The following NKAIN2 variants were observed in gnomAD, a reference collection of about 807,000 sequenced individuals.
NKAIN2 encodes sodium/potassium transporting ATPase interacting 2, also known as sodium/potassium-transporting ATPase subunit beta-1-interacting protein 2.
In NKAIN2, 14 loss-of-function variants were observed where a neutral mutation model predicts 32.6. That is an observed-to-expected ratio of 0.43 (90% CI 0.28 to 0.67). The LOEUF is 0.67. NKAIN2 is among the 30% of genes least tolerant of loss of function. The pLI, the probability that NKAIN2 is intolerant of heterozygous loss-of-function variation, is 0.17. For synonymous variants in NKAIN2, 80 were observed against 87.2 expected, an observed-to-expected ratio of 0.92 and a Z score of 0.46; for missense variants, 198 against 258.3, an observed-to-expected ratio of 0.77 and a Z score of 1.60.
chr6:124,018,279 T>C (rs556792290), intron 1 of NKAIN2, among the ~76,000 whole-genome samples: 15 of 152,212 alleles, frequency 9.9e-5, no homozygotes, highest in African/African-American at 3.6e-4. Flanking sequence ...CAAGAAACCA[T>C]TATTTCCTTC....
intron 4 of NKAIN2, among the ~76,000 whole-genome samples, chr6:124,731,031 G>A (rs1373657826): frequency 9.6e-5 from 14 of 145,764 alleles, no homozygotes; most frequent in Non-Finnish European, 4.5e-5. Context: ...ACACCAGGTA[G>A]AATGGCAATC....
intron 4 of NKAIN2, among the ~76,000 whole-genome samples, chr6:124,715,266 G>A (rs570927118): frequency 6.6e-6 from 1 of 152,338 alleles, no homozygotes; most frequent in Admixed American, 6.5e-5. Flanking sequence ...CAAAGCTTGA[G>A]AGATCTTGTG....
intron 4 of NKAIN2, among the ~76,000 whole-genome samples, chr6:124,768,328 AG>A (rs1229119476): frequency 6.6e-6 from 1 of 152,196 alleles, no homozygotes; most frequent in African/African-American, 2.4e-5. Flanking sequence ...AGCATGTACA[AG>A]CTCCCCACTT....
chr6:124,069,578 G>C (rs1391491557), intron 1 of NKAIN2, among the ~76,000 whole-genome samples: 1 of 152,180 alleles, frequency 6.6e-6, no homozygotes, highest in Admixed American at 6.6e-5. Flanking sequence ...CTGGAGCACA[G>C]AAGCAGCTCC....
At chr6:123,909,653 T>C (rs1002284143) in intron 1 of NKAIN2, among the ~76,000 whole-genome samples, 5 of 152,224 alleles carry the variant, frequency 3.3e-5, no homozygotes, top group African/African-American at 1.2e-4. Flanking sequence ...ACATCAATAG[T>C]CACTTCAAAC....
intron 1 of NKAIN2, among the ~76,000 whole-genome samples, chr6:124,012,273 T>C (rs1780369971): frequency 6.6e-6 from 1 of 151,902 alleles, no homozygotes; most frequent in Non-Finnish European, 1.5e-5. Context: ...TGATTCCCAT[T>C]CTAGGATTTT....
chr6:124,563,646 AT>A (rs2114899665), intron 3 of NKAIN2, among the ~76,000 whole-genome samples: 1 of 152,230 alleles, frequency 6.6e-6, no homozygotes, highest in East Asian at 1.9e-4. Flanking sequence ...GCAGGTTTTA[AT>A]TAGTAGGAGT....
At position 124,389,316 on chromosome 6, in the gene NKAIN2, A is replaced by G. The variant is rs1773043046; in HGVS notation, c.273+33969A>G. ...CCACAGGGCTTCCTTTCTTCCTATT[A>G]AATAGCTCCTCCTATCTGCAATTTA... On this transcript the variant is annotated intron_variant, in intron 3 of 6. Transcript: ENST00000368417. Among the ~76,000 whole-genome samples the G allele has an allele frequency of 3.9e-5, 6 of 152,002 alleles. No individual in the cohort carries two copies. In the South Asian group the frequency reaches 1.2e-3, roughly 32 times the overall value.
At chr6:124,236,185 G>A (rs1792749624) in intron 1 of NKAIN2, among the ~76,000 whole-genome samples, 1 of 152,060 alleles carries the variant, frequency 6.6e-6, no homozygotes, top group South Asian at 2.1e-4. Context: ...ATTAAATAAT[G>A]TAAACAAGGC....
chr6:124,512,108 G>C (rs1778736551), intron 3 of NKAIN2, among the ~76,000 whole-genome samples: 1 of 152,044 alleles, frequency 6.6e-6, no homozygotes, highest in Non-Finnish European at 1.5e-5. Flanking sequence ...TGATCATTTG[G>C]CTAACACAGT....
chr6:124,638,720 C>T (rs1328610554), intron 3 of NKAIN2, among the ~76,000 whole-genome samples: 1 of 151,186 alleles, frequency 6.6e-6, no homozygotes, highest in African/African-American at 2.4e-5. Context: ...GTGGTGAAAC[C>T]CCATCTCTAA....
chr6:124,356,591 G>A lies in NKAIN2; in HGVS notation c.273+1244G>A, dbSNP rs151257950. Among the ~76,000 whole-genome samples the A allele has an allele frequency of 6.5e-4, 99 of 152,204 alleles. 1 individual carries two copies. The East Asian group carries it at 0.015, about 22-fold the overall frequency. Reference sequence around the variant, plus strand: ...ATTTGTGTGTTTTTTGCAGGGCATCGTTCCCCACACTCTGGTTAGCAGGCA... The same window carrying A: ...ATTTGTGTGTTTTTTGCAGGGCATCATTCCCCACACTCTGGTTAGCAGGCA... On this transcript the variant is annotated intron_variant, in intron 3 of 6. Coordinates refer to ENST00000368417, the MANE Select transcript of NKAIN2 (RefSeq NM_001040214.3).
intron 3 of NKAIN2, among the ~76,000 whole-genome samples, chr6:124,540,914 G>A (rs910561535): frequency 6.6e-6 from 1 of 152,154 alleles, no homozygotes; most frequent in Non-Finnish European, 1.5e-5. Flanking sequence ...GTGTTTGGTA[G>A]GTTAGGTGTA....
At chr6:124,560,431 C>G (rs1780646927) in intron 3 of NKAIN2, among the ~76,000 whole-genome samples, 1 of 152,182 alleles carries the variant, frequency 6.6e-6, no homozygotes, top group African/African-American at 2.4e-5. Flanking sequence ...TACACAGCCT[C>G]AGGTATGTCT....
intron 2 of NKAIN2, among the ~76,000 whole-genome samples, chr6:124,286,072 TAAG>T (rs1795524746): frequency 1.3e-5 from 2 of 152,218 alleles, no homozygotes; most frequent in Middle Eastern, 3.4e-3. Context: ...GATACAAAAA[TAAG>T]AAAGCATTTC....
intron 3 of NKAIN2, among the ~76,000 whole-genome samples, chr6:124,512,197 T>C (rs925830408): frequency 6.6e-6 from 1 of 152,158 alleles, no homozygotes; most frequent in African/African-American, 2.4e-5. Flanking sequence ...ATTTGAAACA[T>C]CCACAAATCA....
At chr6:124,034,696 A>G (rs1006943459) in intron 1 of NKAIN2, among the ~76,000 whole-genome samples, 3 of 152,070 alleles carry the variant, frequency 2.0e-5, no homozygotes, top group African/African-American at 7.2e-5. Flanking sequence ...AAGTATCCAT[A>G]GTGGTTTCCA....
chr6:124,153,739 T>C (rs1432266670), intron 1 of NKAIN2, among the ~76,000 whole-genome samples: 2 of 151,750 alleles, frequency 1.3e-5, no homozygotes, highest in African/African-American at 4.8e-5. Context: ...ATTCATTTAA[T>C]TATAATTGTT....
At chr6:124,437,853 A>T (rs1775514868) in intron 3 of NKAIN2, 1 of 407,682 alleles carries the variant, frequency 2.5e-6, no homozygotes, top group Non-Finnish European at 4.7e-6. Flanking sequence ...AATTGTAGGG[A>T]ATACGTACTG....
Sources: allele counts gnomAD v4.1 joint callset (sites outside exome capture counted in the v4.1 genomes callset), GRCh38; gene constraint gnomAD v4.1.1; transcripts MANE v1.5; gene names NCBI Gene and HGNC (gene_info 2026-07-23, HGNC 2026-07-21).